The following AGBL4 variants were observed in gnomAD, a reference collection of about 807,000 sequenced individuals.
AGBL4 encodes the protein cytosolic carboxypeptidase 6.
AGBL4 carries 58 observed loss-of-function variants against 66.4 expected under a neutral mutation model. The ratio of observed to expected loss-of-function variants is 0.87; its 90% confidence interval spans 0.71 to 1.09. The LOEUF is 1.09. Ranked by LOEUF, AGBL4 falls within the 50% of genes least tolerant of loss-of-function variation. The pLI, the probability that AGBL4 is intolerant of heterozygous loss-of-function variation, is 0.00. For missense variants in AGBL4, 579 were observed against 631.0 expected (o/e 0.92, Z 0.88); for synonymous variants, 234 against 222.9 (o/e 1.05, Z -0.44).
rs942683707 is a variant in AGBL4, at chr1:49,927,790, C to T, written c.35-76272G>A. Among the ~76,000 whole-genome samples, 5 of 151,856 alleles carry T rather than the reference C, an allele frequency of 3.3e-5. No individual in the cohort carries two copies. In the South Asian group the frequency reaches 8.3e-4, roughly 25 times the overall value. On this transcript the variant is annotated intron_variant, in intron 1 of 13. Transcript: ENST00000371839. ...CTTAAAGAGGAAGGAGAAAGAGACA[C>T]ATTAAAAGTCAAAACATCTAGCATC...
chr1:48,870,146 A>G (rs1412224057), intron 5 of AGBL4, among the ~76,000 whole-genome samples: 1 of 151,610 alleles, frequency 6.6e-6, no homozygotes, highest in East Asian at 2.0e-4. Context: ...AAACCTAACC[A>G]CTTTATCTCC....
At chr1:48,898,651 A>AT (rs71056684) in intron 5 of AGBL4, among the ~76,000 whole-genome samples, 4 of 151,606 alleles carry the variant, frequency 2.6e-5, no homozygotes, top group Admixed American at 6.6e-5. Flanking sequence ...CTATGTGCTT[A>AT]TTTTTTTTTT....
At chr1:49,842,441 G>T in intron 2 of AGBL4, 1 of 875,730 alleles carries the variant, frequency 1.1e-6, no homozygotes, top group Non-Finnish European at 1.4e-6. Flanking sequence ...TTGCTCCCTG[G>T]TTTCTCTGTC....
intron 1 of AGBL4, among the ~76,000 whole-genome samples, chr1:49,872,869 T>C (rs1270951816): frequency 6.6e-6 from 1 of 152,094 alleles, no homozygotes. Flanking sequence ...TGTTATTAGA[T>C]TCTAGCCTTG....
intron 3 of AGBL4, among the ~76,000 whole-genome samples, chr1:49,562,159 G>GT (rs1468114228): frequency 2.0e-5 from 3 of 151,970 alleles, no homozygotes; most frequent in African/African-American, 4.8e-5. Flanking sequence ...GTGGTTGTTT[G>GT]TTTTTTTCTT....
At chr1:49,163,351 C>T (rs984650091) in intron 4 of AGBL4, among the ~76,000 whole-genome samples, 25 of 152,190 alleles carry the variant, frequency 1.6e-4, no homozygotes, top group Admixed American at 1.5e-3. Context: ...CTGATTCTGG[C>T]AGACTCTTAC....
At chr1:49,875,656 A>C (rs1429641401) in intron 1 of AGBL4, among the ~76,000 whole-genome samples, 53 of 146,642 alleles carry the variant, frequency 3.6e-4, no homozygotes, top group Admixed American at 1.2e-3. Context: ...ATTTATAGTC[A>C]TTTGGGTATA....
rs902203874 is a variant in AGBL4, at chr1:49,510,407, T to C, written c.282+186906A>G. Among the ~76,000 whole-genome samples, 4 of 151,282 alleles carry C rather than the reference T, an allele frequency of 2.6e-5. No individual in the cohort carries two copies. The South Asian group carries it at 6.3e-4, about 24-fold the overall frequency. ...TTTTGAGAAGTGTCTGTTCATGTCC[T>C]TTGCCCACTTTTTGATGGGGTTGTT... On this transcript the variant is annotated intron_variant, in intron 3 of 13. Coordinates refer to ENST00000371839, the MANE Select transcript of AGBL4 (RefSeq NM_032785.4).
At chr1:49,746,013 G>A (rs1392209893) in intron 2 of AGBL4, among the ~76,000 whole-genome samples, 1 of 151,882 alleles carries the variant, frequency 6.6e-6, no homozygotes, top group African/African-American at 2.4e-5. Context: ...TCAAAGTTTT[G>A]AAATAATACA....
At chr1:49,569,399 T>A (rs904622280) in intron 3 of AGBL4, among the ~76,000 whole-genome samples, 1 of 152,144 alleles carries the variant, frequency 6.6e-6, no homozygotes, top group Non-Finnish European at 1.5e-5. Context: ...AAAGGATAAA[T>A]GCTTGAGGAG....
At chr1:49,794,293 A>T (rs1243256986) in intron 2 of AGBL4, among the ~76,000 whole-genome samples, 2 of 151,950 alleles carry the variant, frequency 1.3e-5, no homozygotes, top group Non-Finnish European at 2.9e-5. Context: ...TCTCCCCATA[A>T]CAAAAAATTG....
chr1:49,746,454 C>T (rs1035108672), intron 2 of AGBL4, among the ~76,000 whole-genome samples: 5 of 152,060 alleles, frequency 3.3e-5, no homozygotes, highest in Non-Finnish European at 7.4e-5. Context: ...CCAAAAACTA[C>T]ACTTATTGTA....
chr1:48,689,842 T>G (rs936967252), intron 6 of AGBL4, among the ~76,000 whole-genome samples: 5 of 152,034 alleles, frequency 3.3e-5, no homozygotes, highest in African/African-American at 1.2e-4. Context: ...GAGGCAGAGG[T>G]TGCAGTAAGC....
intron 3 of AGBL4, among the ~76,000 whole-genome samples, chr1:49,329,148 T>C (rs1570446232): frequency 6.7e-6 from 1 of 150,014 alleles, no homozygotes; most frequent in Non-Finnish European, 1.5e-5. Flanking sequence ...CTCTACTAAA[T>C]ATACAAAAAT....
At chr1:49,435,048 A>T (rs897991445) in intron 3 of AGBL4, among the ~76,000 whole-genome samples, 2 of 152,146 alleles carry the variant, frequency 1.3e-5, no homozygotes, top group Admixed American at 6.6e-5. Context: ...TTATATGATT[A>T]ACCTTAGAAA....
At chr1:49,343,062 C>CT (rs375291285) in intron 3 of AGBL4, among the ~76,000 whole-genome samples, 227 of 149,148 alleles carry the variant, frequency 1.5e-3, no homozygotes, top group East Asian at 9.8e-3. Flanking sequence ...GACCTTTATG[C>CT]TTTTTTTTTT....
At chr1:49,298,902 T>C (rs932542311) in intron 3 of AGBL4, among the ~76,000 whole-genome samples, 5 of 152,186 alleles carry the variant, frequency 3.3e-5, no homozygotes, top group African/African-American at 1.2e-4. Context: ...ATCTAGCCAC[T>C]CGTATGTGTG....
In AGBL4 at chr1:49,106,545, T is replaced by C. The variant is rs369426342; in HGVS notation, c.378-60745A>G. The stretch of plus-strand genomic sequence containing the variant: ...TAGGCACATGGCTGTGTCTGTCCAA[T>C]ATGATCCTGCCCTAGGCATAGTTCA... On this transcript the variant is annotated intron_variant, in intron 4 of 13. Transcript: ENST00000371839. Among the ~76,000 whole-genome samples the C allele has an allele frequency of 3.5e-4, 53 of 152,270 alleles. 1 individual carries two copies. The South Asian group carries it at 9.5e-3, about 27-fold the overall frequency.
At position 48,766,827 on chromosome 1, in the gene AGBL4, A is replaced by G. The variant is rs188494654; in HGVS notation, c.634+100364T>C. 2.2e-4 allele frequency among the ~76,000 whole-genome samples: 33 copies of G among 152,312 alleles called. No individual in the cohort carries two copies. In the East Asian group the frequency reaches 3.5e-3, roughly 16 times the overall value. On this transcript the variant is annotated intron_variant, in intron 6 of 13. Coordinates refer to ENST00000371839, the MANE Select transcript of AGBL4 (RefSeq NM_032785.4). ...TCGGGAAGTCCCAAGTCCTCTGCTC[A>G]TTCTTTTCTGCAGGCAGTGAACATT...
Sources: gnomAD v4.1 joint callset for allele counts (sites outside exome capture counted in the v4.1 genomes callset) on GRCh38, gnomAD v4.1.1 for gene constraint, MANE v1.5 for transcripts, NCBI Gene and HGNC (gene_info 2026-07-23, HGNC 2026-07-21) for gene names.